The following SNTG1 variants were observed in gnomAD, a reference collection of about 807,000 sequenced individuals.
SNTG1 encodes the protein gamma-1-syntrophin.
SNTG1 carries 39 observed loss-of-function variants against 74.7 expected under a neutral mutation model. The ratio of observed to expected loss-of-function variants is 0.52; its 90% CI spans 0.40 to 0.68. The LOEUF (loss-of-function observed/expected upper bound fraction) is 0.68. Ranked by LOEUF, SNTG1 falls within the 30% of genes least tolerant of loss-of-function variation. The pLI is 0.00. For missense variants in SNTG1, 685 were observed against 609.5 expected (o/e 1.12, Z -1.30); for synonymous variants, 254 against 217.1 (o/e 1.17, Z -1.49).
At chr8:50,247,427 G>A (rs1297969238) in intron 2 of SNTG1, among the ~76,000 whole-genome samples, 1 of 152,034 alleles carries the variant, frequency 6.6e-6, no homozygotes, top group African/African-American at 2.4e-5. Context: ...ATCCTTCTTA[G>A]TGCCTCAAAC....
intron 17 of SNTG1, among the ~76,000 whole-genome samples, chr8:50,719,907 C>A (rs1265774508): frequency 1.3e-5 from 2 of 152,102 alleles, no homozygotes; most frequent in African/African-American, 2.4e-5. Context: ...AAGTGAAGAC[C>A]TGTATACTCC....
At chr8:50,733,928 T>A (rs557275492) in intron 17 of SNTG1, among the ~76,000 whole-genome samples, 2 of 152,008 alleles carry the variant, frequency 1.3e-5, no homozygotes, top group South Asian at 4.1e-4. Flanking sequence ...CTGTCATGTC[T>A]AGGACTTCAT....
At chr8:50,486,108 C>T (rs1035314633) in intron 8 of SNTG1, among the ~76,000 whole-genome samples, 3 of 152,200 alleles carry the variant, frequency 2.0e-5, no homozygotes, top group East Asian at 1.9e-4. Flanking sequence ...GTTCTTTTGG[C>T]TTAGGATTGA....
At chr8:50,042,818 A>G (rs1377530720) in intron 1 of SNTG1, among the ~76,000 whole-genome samples, 1 of 151,976 alleles carries the variant, frequency 6.6e-6, no homozygotes, top group African/African-American at 2.4e-5. Flanking sequence ...GGCTAATCTA[A>G]ATTATTGGAT....
rs1563617637 is a variant in SNTG1 at position 50,115,575 on chromosome 8, A to AAAAAAAAAAAAAAAAAAAAAAAC, written c.-102-56974_-102-56973insAAAAAAAAAACAAAAAAAAAAAA. Among the ~76,000 whole-genome samples, 31 of 144,866 alleles carry AAAAAAAAAAAAAAAAAAAAAAAC rather than the reference A, an allele frequency of 2.1e-4. 2 individuals are homozygous for AAAAAAAAAAAAAAAAAAAAAAAC. In the East Asian group the frequency reaches 5.6e-3, roughly 26 times the overall value. On this transcript the variant is annotated intron_variant, in intron 1 of 18. Transcript: ENST00000642720. ...AGAGCGAGACTCTGTCTCAAAAAAA[A>AAAAAAAAAAAAAAAAAAAAAAAC]AAAAAAAAAAAACGAGATGGTTGAA...
At chr8:50,499,203 C>A (rs2093929583) in intron 8 of SNTG1, among the ~76,000 whole-genome samples, 1 of 151,730 alleles carries the variant, frequency 6.6e-6, no homozygotes, top group Non-Finnish European at 1.5e-5. Flanking sequence ...TCTTGTGACA[C>A]ATATATTTAA....
intron 13 of SNTG1, among the ~76,000 whole-genome samples, chr8:50,606,290 G>T (rs901517287): frequency 2.0e-5 from 3 of 152,042 alleles, no homozygotes; most frequent in African/African-American, 7.2e-5. Flanking sequence ...GATCCATGAA[G>T]ATAGGTTAGC....
At chr8:50,494,658 C>CA (rs757491649) in intron 8 of SNTG1, among the ~76,000 whole-genome samples, 1 of 152,076 alleles carries the variant, frequency 6.6e-6, no homozygotes, top group South Asian at 2.1e-4. Context: ...CTTGGAATTA[C>CA]AACAAATGCT....
At chr8:50,730,100 A>G (rs779908719) in intron 17 of SNTG1, among the ~76,000 whole-genome samples, 20 of 152,172 alleles carry the variant, frequency 1.3e-4, no homozygotes, top group Non-Finnish European at 1.9e-4. Context: ...GAAGAAAAAA[A>G]TTTCAATCCA....
chr8:50,313,346 T>C (rs1341920936), intron 2 of SNTG1, among the ~76,000 whole-genome samples: 1 of 149,628 alleles, frequency 6.7e-6, no homozygotes, highest in Non-Finnish European at 1.5e-5. Flanking sequence ...GCTTCCGCAC[T>C]GCAAAGGAAA....
intron 1 of SNTG1, among the ~76,000 whole-genome samples, chr8:50,159,301 T>A (rs2082344386): frequency 6.6e-6 from 1 of 152,296 alleles, no homozygotes; most frequent in East Asian, 1.9e-4. Context: ...TCTGTCCACT[T>A]GAGGCAATAC....
At chr8:50,323,509 A>G (rs2090612756) in intron 2 of SNTG1, among the ~76,000 whole-genome samples, 2 of 152,324 alleles carry the variant, frequency 1.3e-5, no homozygotes, top group African/African-American at 2.4e-5. Context: ...CTTGTACCCT[A>G]AGCCAAATAA....
At chr8:50,130,317 G>A (rs1159363723) in intron 1 of SNTG1, among the ~76,000 whole-genome samples, 1 of 152,094 alleles carries the variant, frequency 6.6e-6, no homozygotes. Context: ...TAGTGAGAGT[G>A]AGAGACAACT....
At chr8:50,142,660 C>G (rs144850492) in intron 1 of SNTG1, among the ~76,000 whole-genome samples, 1 of 152,060 alleles carries the variant, frequency 6.6e-6, no homozygotes, top group Non-Finnish European at 1.5e-5. Flanking sequence ...GTAAAATTTT[C>G]TAATGGCTTG....
rs563979266 is a variant in SNTG1 at position 50,767,476 on chromosome 8, A to C, written c.1395+15365A>C. Among the ~76,000 whole-genome samples the C allele has an allele frequency of 2.1e-3, 317 of 152,062 alleles. 2 individuals are homozygous for C. Among genetic ancestry groups the C allele is most frequent in the African/African-American group, 7.3e-3 (305 of 41,538 alleles). On this transcript the variant is annotated intron_variant, in intron 18 of 18. Coordinates refer to ENST00000642720, the MANE Select transcript of SNTG1 (RefSeq NM_018967.5). ...CTTCCTCTGATAGCAAAAATTCATA[A>C]ATTCTTACTTCATTACTCAGAAAGC...
At chr8:50,155,078 A>C (rs534066219) in intron 1 of SNTG1, among the ~76,000 whole-genome samples, 24 of 152,334 alleles carry the variant, frequency 1.6e-4, no homozygotes, top group African/African-American at 5.3e-4. Flanking sequence ...CTTGTGAAAG[A>C]ATTAGATTTT....
chr8:50,256,693 T>A (rs1354390722), intron 2 of SNTG1, among the ~76,000 whole-genome samples: 1 of 152,030 alleles, frequency 6.6e-6, no homozygotes, highest in African/African-American at 2.4e-5. Context: ...AATTAAGGGA[T>A]CTTCACTCCC....
In SNTG1 at chr8:50,590,903, C is replaced by A; in HGVS notation, c.835C>A (p.Pro279Thr). The A allele has an allele frequency of 6.4e-7, 1 of 1,570,224 alleles. No homozygotes were observed. Among genetic ancestry groups the A allele is most frequent in the Non-Finnish European group, 8.7e-7 (1 of 1,154,458 alleles). ...HNIKKINRNF[P>T]VNQQIVYMGW... ...GATTAAAAAAATCAACAGAAACTTT[C>A]CTGTAAACCAGCAGGTAAGATCAAA... The change falls in exon 13 of 19, where the codon CCT becomes ACT. Residue 279 changes from proline to threonine, a missense_variant. By Grantham distance (38) the Pro-to-Thr change is conservative. Transcript: ENST00000642720.
At chr8:50,750,487 G>C (rs1309110484) in intron 17 of SNTG1, among the ~76,000 whole-genome samples, 1 of 151,932 alleles carries the variant, frequency 6.6e-6, no homozygotes, top group Non-Finnish European at 1.5e-5. Flanking sequence ...ATGCTATTCG[G>C]CTATATTGCA....
Sources: allele counts gnomAD v4.1 joint callset (sites outside exome capture counted in the v4.1 genomes callset), GRCh38; gene constraint gnomAD v4.1.1; transcripts MANE v1.5; gene names NCBI Gene and HGNC (gene_info 2026-07-23, HGNC 2026-07-21).